KLHL22: variants seen among roughly 807,000 people sequenced by gnomAD.
KLHL22 encodes the protein kelch like family member 22, also known as kelch-like protein 22.
Under a neutral mutation model 60.7 loss-of-function variants are expected in KLHL22, and 18 were observed. The observed-to-expected ratio is 0.30, with a 90% CI of 0.20 to 0.44. The LOEUF (loss-of-function observed/expected upper bound fraction) is 0.44, where lower values mean the gene tolerates loss of function less well. Ranked by LOEUF, KLHL22 falls within the 20% of genes least tolerant of loss-of-function variation. The pLI, the probability that KLHL22 is intolerant of heterozygous loss-of-function variation, is 1.00. For missense variants in KLHL22, 596 were observed against 852.3 expected, an observed-to-expected ratio of 0.70 and a Z score of 3.74; for synonymous variants, 355 against 354.5, an observed-to-expected ratio of 1.00 and a Z score of -0.01.
chr22:20,472,357 A>C (rs980265221), intron 2 of KLHL22, among the ~76,000 whole-genome samples: 4 of 152,232 alleles, frequency 2.6e-5, no homozygotes, highest in Admixed American at 2.0e-4. Flanking sequence ...CTGGGAGGCC[A>C]AGGCAGGCAG....
intron 2 of KLHL22, chr22:20,483,309 C>G: frequency 1.4e-6 from 1 of 717,096 alleles, no homozygotes; most frequent in South Asian, 1.4e-5. Context: ...ACTTGTCCAG[C>G]TCCTGTCGTT....
chr22:20,452,681 T>A (rs142371241), intron 5 of KLHL22, among the ~76,000 whole-genome samples: 1 of 152,324 alleles, frequency 6.6e-6, no homozygotes, highest in East Asian at 1.9e-4. Flanking sequence ...ACAGTCATCT[T>A]ATTGCCTGCC....
At chr22:20,451,006 G>T in intron 5 of KLHL22, 1 of 1,540,166 alleles carries the variant, frequency 6.5e-7, no homozygotes, top group Non-Finnish European at 9.0e-7. Flanking sequence ...GTCTCCCATC[G>T]ATGCAGTAGA....
chr22:20,454,156 T>C (rs931603685), intron 5 of KLHL22, among the ~76,000 whole-genome samples: 1 of 152,006 alleles, frequency 6.6e-6, no homozygotes. Flanking sequence ...TGGTGAAACC[T>C]TCATGATACT....
chr22:20,480,236 T>C (rs1391489237), intron 2 of KLHL22, among the ~76,000 whole-genome samples: 1 of 151,986 alleles, frequency 6.6e-6, no homozygotes, highest in Admixed American at 6.6e-5. Context: ...GGGTATAGAG[T>C]TTCAGATTTG....
intron 5 of KLHL22, chr22:20,451,466 C>T: frequency 1.2e-6 from 2 of 1,601,206 alleles, no homozygotes; most frequent in Non-Finnish European, 1.7e-6. Context: ...GACCCTCATA[C>T]AGGACACTGG....
At chr22:20,443,620 C>T (rs1048273043) in intron 6 of KLHL22, among the ~76,000 whole-genome samples, 6 of 152,060 alleles carry the variant, frequency 3.9e-5, no homozygotes, top group African/African-American at 1.2e-4. Flanking sequence ...ATGCCTGTAA[C>T]CCCAGCTACT....
At chr22:20,451,745 T>A in intron 5 of KLHL22, 2 of 1,570,984 alleles carry the variant, frequency 1.3e-6, no homozygotes, top group Non-Finnish European at 1.8e-6. Context: ...TACAACCCTA[T>A]CATCAACAGC....
At chr22:20,483,762 T>C (rs1267347864) in intron 2 of KLHL22, 2 of 738,954 alleles carry the variant, frequency 2.7e-6, no homozygotes, top group East Asian at 5.0e-5. Flanking sequence ...CTTCTCCAAG[T>C]GCTTCTGGAT....
intron 6 of KLHL22, among the ~76,000 whole-genome samples, chr22:20,444,252 C>T (rs760090918): frequency 6.6e-6 from 1 of 152,140 alleles, no homozygotes; most frequent in African/African-American, 2.4e-5. Context: ...CTGAATTCTT[C>T]TAACCAGAGT....
At chr22:20,457,750 G>T in intron 5 of KLHL22, 58 bp downstream of exon 5, 1 of 1,387,658 alleles carries the variant, frequency 7.2e-7, no homozygotes, top group Non-Finnish European at 9.9e-7. Context: ...CTCACTCTTT[G>T]CACATCCTGG....
chr22:20,458,600 C>T (rs1038155881), intron 4 of KLHL22, among the ~76,000 whole-genome samples: 1 of 151,908 alleles, frequency 6.6e-6, no homozygotes, highest in African/African-American at 2.4e-5. Flanking sequence ...TGCTCCCACT[C>T]AGGAGGGCCT....
chr22:20,468,625 C>G (rs1042979232), intron 3 of KLHL22, among the ~76,000 whole-genome samples: 4 of 152,094 alleles, frequency 2.6e-5, no homozygotes, highest in African/African-American at 9.7e-5. Context: ...ATGGTTATGC[C>G]AAGTAAAACC....
At chr22:20,452,305 C>G (rs2052992801) in intron 5 of KLHL22, among the ~76,000 whole-genome samples, 2 of 151,548 alleles carry the variant, frequency 1.3e-5, no homozygotes. Flanking sequence ...CTACAGGTAG[C>G]TAGGGGCAAC....
intron 2 of KLHL22, among the ~76,000 whole-genome samples, chr22:20,472,076 G>A (rs771724611): frequency 2.0e-5 from 3 of 151,756 alleles, no homozygotes; most frequent in African/African-American, 4.8e-5. Flanking sequence ...GTGAAACCGC[G>A]TCTCTACTAA....
intron 2 of KLHL22, among the ~76,000 whole-genome samples, chr22:20,486,916 A>G (rs2053595620): frequency 6.6e-6 from 1 of 151,438 alleles, no homozygotes; most frequent in Non-Finnish European, 1.5e-5. Context: ...CCTGACCTCA[A>G]GTTATCCGCC....
At chr22:20,457,710 G>A in intron 5 of KLHL22, 98 bp downstream of exon 5, 1 of 911,050 alleles carries the variant, frequency 1.1e-6, no homozygotes, top group Non-Finnish European at 1.7e-6. Flanking sequence ...CTGTTTCTCT[G>A]ACCTGGGACA....
chr22:20,464,974 A>G lies in KLHL22; in HGVS notation c.996T>C (p.Thr332=), dbSNP rs1224716567. ...TGGACATGCGGGGGGCCAGGGAGGC[A>G]GTGAAGTGCTTCCACTCTCCCAGTA... ...NPLLGEWKHF[T]ASLAPRMSNQ... Residue 332 remains threonine (T), a synonymous_variant, in exon 4 of 7, where the codon ACT becomes ACC. Coordinates refer to ENST00000328879, the MANE Select transcript of KLHL22 (RefSeq NM_032775.4). 2 of 1,610,898 alleles carry G rather than the reference A, an allele frequency of 1.2e-6. No homozygotes were observed. The highest frequency in any genetic ancestry group is 2.2e-5 in the East Asian group (1 of 44,886).
chr22:20,475,381 G>C (rs1601368637), intron 2 of KLHL22: 1 of 151,774 alleles, frequency 6.6e-6, no homozygotes, highest in East Asian at 1.9e-4. Flanking sequence ...ACTTAGAAAG[G>C]CTTTTTCTTT....
Sources: gnomAD v4.1 joint callset for allele counts (sites outside exome capture counted in the v4.1 genomes callset) on GRCh38, gnomAD v4.1.1 for gene constraint, MANE v1.5 for transcripts, NCBI Gene and HGNC (gene_info 2026-07-23, HGNC 2026-07-21) for gene names.